DIAPH3: variants seen among roughly 807,000 people sequenced by gnomAD.
The protein encoded by DIAPH3 is diaphanous related formin 3, also known as protein diaphanous homolog 3.
DIAPH3 carries 117 observed loss-of-function variants against 144.3 expected under a neutral mutation model. The ratio of observed to expected loss-of-function variants is 0.81; its 90% CI spans 0.70 to 0.95. DIAPH3 has a LOEUF of 0.95. DIAPH3 is among the 40% of genes least tolerant of loss of function. The pLI, the probability that DIAPH3 is intolerant of heterozygous loss-of-function variation, is 0.00. For synonymous variants in DIAPH3, 519 were observed against 488.9 expected (o/e 1.06, Z -0.81); for missense variants, 1,421 against 1,412.7 (o/e 1.01, Z -0.09).
chr13:59,690,533 C>T (rs1363183204), intron 27 of DIAPH3, among the ~76,000 whole-genome samples: 1 of 152,056 alleles, frequency 6.6e-6, no homozygotes, highest in Non-Finnish European at 1.5e-5. Flanking sequence ...GTGTTGTTTT[C>T]TGCTATTTTT....
intron 27 of DIAPH3, among the ~76,000 whole-genome samples, chr13:59,770,649 T>C (rs1446758069): frequency 6.6e-6 from 1 of 152,158 alleles, no homozygotes; most frequent in African/African-American, 2.4e-5. Context: ...CTACTCATCT[T>C]TCAAGTCTCA....
At chr13:60,115,867 T>C (rs1021190293) in intron 2 of DIAPH3, among the ~76,000 whole-genome samples, 1 of 152,092 alleles carries the variant, frequency 6.6e-6, no homozygotes, top group Non-Finnish European at 1.5e-5. Flanking sequence ...AACCTGTGTG[T>C]AAGGGGATCT....
At chr13:60,019,215 C>G (rs1307900451) in intron 5 of DIAPH3, among the ~76,000 whole-genome samples, 1 of 152,030 alleles carries the variant, frequency 6.6e-6, no homozygotes, top group Non-Finnish European at 1.5e-5. Context: ...AAGAAGCAAC[C>G]TAGAAAAAAA....
intron 9 of DIAPH3, among the ~76,000 whole-genome samples, chr13:59,996,890 T>C (rs2052228004): frequency 2.0e-5 from 3 of 152,068 alleles, no homozygotes; most frequent in African/African-American, 7.2e-5. Flanking sequence ...GAAAATAAAG[T>C]GAGAAGTTTT....
At chr13:60,148,684 AG>A (rs1951645655) in intron 1 of DIAPH3, among the ~76,000 whole-genome samples, 1 of 152,230 alleles carries the variant, frequency 6.6e-6, no homozygotes, top group Non-Finnish European at 1.5e-5. Context: ...AAGGGGGGCA[AG>A]GTTTGTACAA....
In DIAPH3 at chr13:59,879,373, CATG is replaced by C; in HGVS notation, c.2460_2462del (p.Ile820del). On this transcript the variant is annotated inframe_deletion, in exon 21 of 28. Transcript: ENST00000400324. ...TCTCTTCGCAGGCAGTACTGACAGCCATGATGTCAGGTTTGATGTTGTTCACCT... is the reference window on the plus strand; with the variant it reads ...TCTCTTCGCAGGCAGTACTGACAGCCATGTCAGGTTTGATGTTGTTCACCT... 1 of 1,613,848 alleles carries C rather than the reference CATG, an allele frequency of 6.2e-7. No individual in the cohort carries two copies.
chr13:59,694,613 C>G (rs372321656), intron 27 of DIAPH3, among the ~76,000 whole-genome samples: 1 of 152,068 alleles, frequency 6.6e-6, no homozygotes, highest in Non-Finnish European at 1.5e-5. Flanking sequence ...GCCTACATTT[C>G]TGCTTAATAA....
intron 20 of DIAPH3, among the ~76,000 whole-genome samples, 195 bp from the exon 21 acceptor site, chr13:59,879,663 A>T (rs1217341052): frequency 1.3e-5 from 2 of 152,170 alleles, no homozygotes; most frequent in African/African-American, 4.8e-5. Context: ...CTCAAAACCC[A>T]AATTAACAAT....
At chr13:59,926,155 T>G (rs1227246791) in intron 17 of DIAPH3, among the ~76,000 whole-genome samples, 4 of 151,488 alleles carry the variant, frequency 2.6e-5, no homozygotes, top group African/African-American at 9.7e-5. Context: ...TCAGCTAATT[T>G]CTTTTTATTT....
At chr13:59,903,174 A>G (rs1010824836) in intron 20 of DIAPH3, among the ~76,000 whole-genome samples, 6 of 152,242 alleles carry the variant, frequency 3.9e-5, no homozygotes, top group African/African-American at 1.2e-4. Context: ...GAAAAAAATT[A>G]TATCAGAGTA....
At chr13:59,702,134 T>C (rs1382597969) in intron 27 of DIAPH3, among the ~76,000 whole-genome samples, 1 of 152,206 alleles carries the variant, frequency 6.6e-6, no homozygotes, top group Non-Finnish European at 1.5e-5. Flanking sequence ...TATTTTACCA[T>C]CTTGGCCATA....
At chr13:59,715,563 GGTCA>G (rs2035004740) in intron 27 of DIAPH3, among the ~76,000 whole-genome samples, 1 of 152,050 alleles carries the variant, frequency 6.6e-6, no homozygotes. Flanking sequence ...TCCTAAGAGA[GGTCA>G]GTCTATCACT....
intron 7 of DIAPH3, chr13:60,013,344 G>A (rs1157058177): frequency 2.9e-6 from 1 of 340,892 alleles, no homozygotes; most frequent in Non-Finnish European, 4.2e-6. Context: ...CACACAGCAT[G>A]ACTACTAGTG....
intron 9 of DIAPH3, among the ~76,000 whole-genome samples, chr13:60,005,662 T>C (rs971731569): frequency 6.6e-6 from 1 of 152,038 alleles, no homozygotes; most frequent in Non-Finnish European, 1.5e-5. Context: ...TTTGTATTTT[T>C]AGTAGAGACG....
chr13:59,757,261 A>T (rs2037326507), intron 27 of DIAPH3, among the ~76,000 whole-genome samples: 1 of 152,180 alleles, frequency 6.6e-6, no homozygotes, highest in Non-Finnish European at 1.5e-5. Context: ...GGCAATATGT[A>T]TAAAAAGATT....
intron 2 of DIAPH3, among the ~76,000 whole-genome samples, chr13:60,119,114 T>C (rs1429461571): frequency 6.6e-6 from 1 of 152,190 alleles, no homozygotes; most frequent in African/African-American, 2.4e-5. Flanking sequence ...AACAGATATT[T>C]TGGAAATTAT....
At chr13:59,965,964 T>C (rs1003229247) in intron 17 of DIAPH3, among the ~76,000 whole-genome samples, 2 of 152,132 alleles carry the variant, frequency 1.3e-5, no homozygotes, top group African/African-American at 4.8e-5. Context: ...AGAAAAAACA[T>C]AATCTGGAAA....
chr13:60,126,951 A>G (rs2059008103), intron 2 of DIAPH3, among the ~76,000 whole-genome samples: 1 of 152,066 alleles, frequency 6.6e-6, no homozygotes, highest in Admixed American at 6.6e-5. Context: ...TTAGAGTTCT[A>G]CCTTAAGAAA....
At chr13:59,809,370 G>A (rs1465283058) in intron 25 of DIAPH3, among the ~76,000 whole-genome samples, 1 of 151,818 alleles carries the variant, frequency 6.6e-6, no homozygotes. Flanking sequence ...GCATGGTGGC[G>A]GGCCCCTGTA....
Sources: allele counts gnomAD v4.1 joint callset (sites outside exome capture counted in the v4.1 genomes callset), GRCh38; gene constraint gnomAD v4.1.1; transcripts MANE v1.5; gene names NCBI Gene and HGNC (gene_info 2026-07-23, HGNC 2026-07-21).